RBMS3: variants seen among roughly 807,000 people sequenced by gnomAD.
RBMS3 encodes RNA-binding motif, single-stranded-interacting protein 3.
A neutral mutation model predicts 66.8 loss-of-function variants in RBMS3; 27 were observed. That is an observed-to-expected ratio of 0.40 (90% CI 0.30 to 0.56). RBMS3 has a LOEUF of 0.56. Ranked by LOEUF, RBMS3 falls within the 20% of genes least tolerant of loss-of-function variation. The probability of loss-of-function intolerance (pLI) is 0.40; values close to 1 mark genes in which losing one functional copy is unlikely to be tolerated. For synonymous variants in RBMS3, 188 were observed against 183.0 expected (o/e 1.03, Z -0.22); for missense variants, 513 against 549.5 (o/e 0.93, Z 0.66).
chr3:29,948,442 C>A (rs1695465550), intron 12 of RBMS3, among the ~76,000 whole-genome samples: 1 of 151,712 alleles, frequency 6.6e-6, no homozygotes, highest in Non-Finnish European at 1.5e-5. Flanking sequence ...CCTCTATCAT[C>A]CAGAGGAGGG....
intron 3 of RBMS3, among the ~76,000 whole-genome samples, chr3:29,511,051 C>T (rs779256619): frequency 5.5e-4 from 84 of 152,222 alleles, no homozygotes; most frequent in Non-Finnish European, 7.5e-4. Context: ...GTAATCCCAA[C>T]ACTTTGGGAG....
chr3:29,689,040 T>A (rs1165318477), intron 4 of RBMS3, among the ~76,000 whole-genome samples: 3 of 152,066 alleles, frequency 2.0e-5, no homozygotes, highest in Admixed American at 2.0e-4. Context: ...GGGCTAATCA[T>A]TTAAAAAAAT....
intron 3 of RBMS3, among the ~76,000 whole-genome samples, chr3:29,517,328 TTG>T (rs2148966765): frequency 6.8e-6 from 1 of 147,192 alleles, no homozygotes; most frequent in South Asian, 2.2e-4. Context: ...TATTTTTTTT[TTG>T]TTTTTTTTTT....
At chr3:29,538,650 A>T (rs958160313) in intron 3 of RBMS3, among the ~76,000 whole-genome samples, 4 of 152,162 alleles carry the variant, frequency 2.6e-5, no homozygotes, top group Admixed American at 2.0e-4. Context: ...TAAGCTTTGG[A>T]TTTTCTCAGT....
chr3:29,495,902 C>T (rs749670919), intron 3 of RBMS3, among the ~76,000 whole-genome samples: 6 of 152,018 alleles, frequency 3.9e-5, no homozygotes, highest in South Asian at 4.1e-4. Context: ...TTAACTCTGG[C>T]GGATAACAGA....
intron 14 of RBMS3, 49 bp downstream of exon 14, chr3:29,991,258 A>G: frequency 6.2e-7 from 1 of 1,612,730 alleles, no homozygotes; most frequent in Non-Finnish European, 8.5e-7. Flanking sequence ...AGCCATCTTG[A>G]CATCACTCTC....
At chr3:29,328,528 T>C (rs1370524429) in intron 1 of RBMS3, among the ~76,000 whole-genome samples, 2 of 152,182 alleles carry the variant, frequency 1.3e-5, no homozygotes, top group African/African-American at 4.8e-5. Flanking sequence ...AGTTAGATGA[T>C]TTAATAAGAA....
intron 10 of RBMS3, among the ~76,000 whole-genome samples, chr3:29,917,667 A>T (rs1482191422): frequency 6.6e-6 from 1 of 152,076 alleles, no homozygotes; most frequent in East Asian, 1.9e-4. Context: ...TGGGAGGCAG[A>T]AAACAACCGT....
intron 1 of RBMS3, among the ~76,000 whole-genome samples, chr3:29,419,150 T>C (rs2040598542): frequency 6.6e-6 from 1 of 152,198 alleles, no homozygotes; most frequent in Admixed American, 6.5e-5. Context: ...CAATCTCCTA[T>C]ACTCTTAATA....
In RBMS3 at chr3:29,765,835, T is replaced by C. The variant is rs2055901306; in HGVS notation, c.637+2846T>C. ...GATTTATTGGACTTACAGTTCCACGTGGCTGAGGAGGCCTCACAATCATGG... is the reference window on the plus strand; with the variant it reads ...GATTTATTGGACTTACAGTTCCACGCGGCTGAGGAGGCCTCACAATCATGG... On this transcript the variant is annotated intron_variant, in intron 6 of 14. Transcript: ENST00000383767. The C allele has an allele frequency of 3.9e-5, 6 of 153,960 alleles. No homozygotes were observed. The Admixed American group carries it at 3.9e-4, about 10-fold the overall frequency. The allele number at this position is 153,960 out of a possible 1,614,324, so 9.5% of individuals were successfully genotyped here.
chr3:29,355,144 C>A (rs2037141487), intron 1 of RBMS3, among the ~76,000 whole-genome samples: 3 of 152,056 alleles, frequency 2.0e-5, no homozygotes, highest in Admixed American at 2.0e-4. Context: ...TGAGCTCCTG[C>A]CAGACTGCAT....
At chr3:29,373,864 G>A (rs530316730) in intron 1 of RBMS3, among the ~76,000 whole-genome samples, 2 of 152,280 alleles carry the variant, frequency 1.3e-5, no homozygotes, top group South Asian at 2.1e-4. Context: ...GATGACTGTG[G>A]AATGTTTAGA....
At chr3:29,312,769 T>C (rs1420252199) in intron 1 of RBMS3, among the ~76,000 whole-genome samples, 1 of 151,510 alleles carries the variant, frequency 6.6e-6, no homozygotes, top group Non-Finnish European at 1.5e-5. Flanking sequence ...AAATTAAATA[T>C]GCATGTGCCG....
Position 29,936,098 on chromosome 3 carries a change from A to G in RBMS3, c.952A>G (p.Thr318Ala). The G allele has an allele frequency of 6.2e-7, 1 of 1,613,006 alleles. No homozygotes were observed. The highest frequency in any genetic ancestry group is 1.1e-5 in the South Asian group (1 of 90,938). Residue 318 changes from threonine to alanine, a missense_variant, in exon 11 of 15, where the codon ACA becomes GCA. Transcript: ENST00000383767. ...TATATGCTTGTAGGGTGCTGTGATT[A>G]CACCAACCATGGACCATCCCATGTC... ...YVMQPTGAVI[T>A]PTMDHPMSMQ...
chr3:29,616,943 G>C (rs987955402), intron 4 of RBMS3: 3 of 152,134 alleles, frequency 2.0e-5, no homozygotes, highest in African/African-American at 7.2e-5. Flanking sequence ...AAAAGTCCCA[G>C]GAAGATCAGT....
chr3:29,850,563 A>G (rs2058909328), intron 6 of RBMS3, among the ~76,000 whole-genome samples: 1 of 151,956 alleles, frequency 6.6e-6, no homozygotes, highest in Non-Finnish European at 1.5e-5. Context: ...CCTGTTCTCC[A>G]TTTTCGCTAG....
chr3:29,549,895 A>G (rs146341631), intron 3 of RBMS3, among the ~76,000 whole-genome samples: 2,042 of 152,192 alleles, frequency 0.013, 22 homozygotes, highest in Non-Finnish European at 0.022. Flanking sequence ...GTCATATTAT[A>G]TACTACTCTC....
At position 29,988,230 on chromosome 3, in the gene RBMS3, C is replaced by T. The variant is rs1337154804; in HGVS notation, c.1179+7C>T. On this transcript the variant is annotated splice_region_variant and intron_variant, in intron 13 of 14. Coordinates refer to ENST00000383767, the MANE Select transcript of RBMS3 (RefSeq NM_001003793.3). The stretch of plus-strand genomic sequence containing the variant: ...GACAGCTGTTTCTATTGAAGTAAGT[C>T]TACCCCTGTCTAATAAAGAGGTTAG... 1 of 1,589,150 alleles carries T rather than the reference C, an allele frequency of 6.3e-7. No individual in the cohort carries two copies. The highest frequency in any genetic ancestry group is 8.6e-7 in the Non-Finnish European group (1 of 1,158,118).
At chr3:29,585,201 G>C (rs145485773) in intron 3 of RBMS3, among the ~76,000 whole-genome samples, 1 of 152,126 alleles carries the variant, frequency 6.6e-6, no homozygotes, top group African/African-American at 2.4e-5. Context: ...ATTGGCCAAC[G>C]TGTAAGGTAC....
Sources: gnomAD v4.1 joint callset for allele counts (sites outside exome capture counted in the v4.1 genomes callset) on GRCh38, gnomAD v4.1.1 for gene constraint, MANE v1.5 for transcripts, NCBI Gene and HGNC (gene_info 2026-07-23, HGNC 2026-07-21) for gene names.